NIPAL3: variants seen among roughly 807,000 people sequenced by gnomAD.
NIPAL3 encodes NIPA-like protein 3.
A neutral mutation model predicts 47.2 loss-of-function variants in NIPAL3; 41 were observed. The observed-to-expected ratio is 0.87, with a 90% confidence interval of 0.68 to 1.13. NIPAL3 has a LOEUF of 1.13. Among genes scored for constraint, NIPAL3 ranks in the 50% most tolerant of loss-of-function variants. The probability of loss-of-function intolerance (pLI) is 0.00; values close to 1 mark genes in which losing one functional copy is unlikely to be tolerated. For missense variants in NIPAL3, 449 were observed against 530.1 expected, an observed-to-expected ratio of 0.85 and a Z score of 1.50; for synonymous variants, 194 against 209.6, an observed-to-expected ratio of 0.93 and a Z score of 0.64.
chr1:24,445,080 G>T (rs949425355), intron 4 of NIPAL3, 105 bp from the exon 5 acceptor site: 1 of 710,164 alleles, frequency 1.4e-6, no homozygotes, highest in Non-Finnish European at 2.5e-6. Flanking sequence ...AGGTTAGGAA[G>T]TACCAAGCTC....
chr1:24,427,388 A>G (rs1190878391), intron 2 of NIPAL3, among the ~76,000 whole-genome samples: 1 of 152,178 alleles, frequency 6.6e-6, no homozygotes, highest in East Asian at 1.9e-4. Context: ...TTGGGGGCAT[A>G]ATTAATGTTG....
rs114081180 is a variant in NIPAL3 at position 24,462,469 on chromosome 1, A to C, written c.927-1557A>C. Among the ~76,000 whole-genome samples, 631 of 152,350 alleles carry C rather than the reference A, an allele frequency of 4.1e-3. 3 individuals carry two copies. Among genetic ancestry groups the C allele is most frequent in the African/African-American group, 0.015 (610 of 41,582 alleles). On this transcript the variant is annotated intron_variant, in intron 10 of 11. Transcript: ENST00000374399. ...AGACAATGGGTTCTACGCAACAATTAAAATAATGAGCTATAAGCCAGGTAC... is the reference window on the plus strand; with the variant it reads ...AGACAATGGGTTCTACGCAACAATTCAAATAATGAGCTATAAGCCAGGTAC...
chr1:24,419,371 TGAG>T lies in NIPAL3; in HGVS notation c.-173_-171del, dbSNP rs1644207509. ...AAATTGGCACTTCTCTGAGTGAAGC[TGAG>T]GAGAAGGCTGTAAATCTGCCAAAAC... On this transcript the variant is annotated 5_prime_UTR_variant, in exon 2 of 12. Coordinates refer to ENST00000374399, the MANE Select transcript of NIPAL3 (RefSeq NM_020448.5). 4 of 1,315,358 alleles carry T rather than the reference TGAG, an allele frequency of 3.0e-6. No homozygotes were observed. Among genetic ancestry groups the T allele is most frequent in the Non-Finnish European group, 3.9e-6 (4 of 1,034,722 alleles). 81.5% of individuals were successfully genotyped at this position (1,315,358 alleles called of 1,614,324 possible). A position where few individuals can be genotyped will look rare whatever the true frequency, so the allele number is the denominator to read the frequency against.
At chr1:24,427,730 G>A (rs1644661167) in intron 2 of NIPAL3, among the ~76,000 whole-genome samples, 1 of 152,116 alleles carries the variant, frequency 6.6e-6, no homozygotes, top group Middle Eastern at 3.2e-3. Context: ...GGCCCTAAGA[G>A]AAGGGTGCAC....
At chr1:24,465,988 C>G (rs1049744773) in intron 11 of NIPAL3, 2 of 1,606,698 alleles carry the variant, frequency 1.2e-6, no homozygotes, top group African/African-American at 2.7e-5. Flanking sequence ...TAGGATCTTG[C>G]CTTTTGTCTA....
chr1:24,435,573 G>A (rs1030504080), intron 2 of NIPAL3, among the ~76,000 whole-genome samples: 8 of 152,180 alleles, frequency 5.3e-5, no homozygotes, highest in Admixed American at 2.0e-4. Flanking sequence ...ATGAAATGTC[G>A]CACCTATATA....
intron 2 of NIPAL3, among the ~76,000 whole-genome samples, chr1:24,422,723 G>A (rs1458042424): frequency 1.3e-5 from 2 of 152,152 alleles, no homozygotes; most frequent in Admixed American, 6.5e-5. Context: ...AGGCCACCAC[G>A]TCTTAGCAGC....
In NIPAL3 at chr1:24,470,471, G is replaced by A. The variant is rs1409775123; in HGVS notation, c.*1286G>A. The A allele has an allele frequency of 2.6e-5, 4 of 152,152 alleles. No homozygotes were observed. Among genetic ancestry groups the A allele is most frequent in the Non-Finnish European group, 5.9e-5 (4 of 68,026 alleles). 9.4% of individuals were successfully genotyped at this position (152,152 alleles called of 1,614,324 possible). On this transcript the variant is annotated 3_prime_UTR_variant, in exon 12 of 12. Coordinates refer to ENST00000374399, the MANE Select transcript of NIPAL3 (RefSeq NM_020448.5). ...GATTCTGATGCGATGCTTCAATCCC[G>A]AGATTTCACATCTGGAAAGCCTAAG...
rs1172759840 is a variant in NIPAL3, at chr1:24,471,178, A to G, written c.*1993A>G. Reference sequence around the variant, plus strand: ...ATAAAGCATATAAAATAGGGTGATCACCCCCGAGGCAGAGGGGCCAGCATT... The same window carrying G: ...ATAAAGCATATAAAATAGGGTGATCGCCCCCGAGGCAGAGGGGCCAGCATT... On this transcript the variant is annotated 3_prime_UTR_variant, in exon 12 of 12. Transcript: ENST00000374399. The G allele has an allele frequency of 6.6e-6, 1 of 152,158 alleles. No homozygotes were observed. Among genetic ancestry groups the G allele is most frequent in the Non-Finnish European group, 1.5e-5 (1 of 68,054 alleles). The allele number at this position is 152,158 out of a possible 1,614,324, so 9.4% of individuals were successfully genotyped here.
In NIPAL3 at chr1:24,469,247, C is replaced by T. The variant is rs374873194; in HGVS notation, c.*62C>T. 1.1e-5 allele frequency: 16 copies of T among 1,397,036 alleles called. No homozygotes were observed. The African/African-American group carries it at 1.9e-4, about 16-fold the overall frequency. The allele number at this position is 1,397,036 out of a possible 1,614,324, so 86.5% of individuals were successfully genotyped here. A position where few individuals can be genotyped will look rare whatever the true frequency, so the allele number is the denominator to read the frequency against. On this transcript the variant is annotated 3_prime_UTR_variant, in exon 12 of 12. Transcript: ENST00000374399. Reference sequence around the variant, plus strand: ...GCTGACAGTGGTTCAACCCTGAATCCTAAAACTTGCCTTTCAAGTCTCATT... The same window carrying T: ...GCTGACAGTGGTTCAACCCTGAATCTTAAAACTTGCCTTTCAAGTCTCATT...
At chr1:24,458,113 G>A (rs1461708422) in intron 8 of NIPAL3, among the ~76,000 whole-genome samples, 1 of 152,162 alleles carries the variant, frequency 6.6e-6, no homozygotes, top group Non-Finnish European at 1.5e-5. Context: ...GCCCTGGCTG[G>A]GGGACAGCCA....
chr1:24,420,244 G>C (rs778524923), intron 2 of NIPAL3: 1 of 152,284 alleles, frequency 6.6e-6, no homozygotes, highest in Non-Finnish European at 1.5e-5. Context: ...GCTCATGGCT[G>C]TAATTCCAGC....
Position 24,449,294 on chromosome 1 carries a change from A to T in NIPAL3, c.395-187A>T, listed in dbSNP as rs1229307806. On this transcript the variant is annotated intron_variant, in intron 5 of 11. Coordinates refer to ENST00000374399, the MANE Select transcript of NIPAL3 (RefSeq NM_020448.5). The surrounding 1 kb of genome is among the most constrained non-coding windows in gnomAD (Gnocchi z 4.5). Reference sequence around the variant, plus strand: ...TCATTAAAGTTTTTTATTTTTTTACATTAATTGTTTTTTTAACAAAATTAA... The same window carrying T: ...TCATTAAAGTTTTTTATTTTTTTACTTTAATTGTTTTTTTAACAAAATTAA... Among the ~76,000 whole-genome samples, 2 of 152,190 alleles carry T rather than the reference A, an allele frequency of 1.3e-5. No homozygotes were observed. Among genetic ancestry groups the T allele is most frequent in the Non-Finnish European group, 2.9e-5 (2 of 68,034 alleles).
At chr1:24,444,536 C>T (rs1365451921) in intron 4 of NIPAL3, among the ~76,000 whole-genome samples, 1 of 152,110 alleles carries the variant, frequency 6.6e-6, no homozygotes, top group African/African-American at 2.4e-5. Context: ...GATCTAACAC[C>T]GTATTTCATA....
intron 8 of NIPAL3, chr1:24,457,707 T>C (rs195718): frequency 0.52 from 273,764 of 528,942 alleles, 72,174 homozygotes; most frequent in East Asian, 0.75. Context: ...ATGCCCTCAC[T>C]GCTCTGCTCT....
In NIPAL3 at chr1:24,440,287, C is replaced by G. The variant is rs753038557; in HGVS notation, c.162+47C>G. On this transcript the variant is annotated intron_variant, in intron 3 of 11. Transcript: ENST00000374399. The stretch of plus-strand genomic sequence containing the variant: ...TGTCTGGGGACAGAGACACAGCAGA[C>G]AAGTCAGGGTGTCTTATCCAGGTCC... 9 of 1,454,702 alleles carry G rather than the reference C, an allele frequency of 6.2e-6. No homozygotes were observed. The East Asian group carries it at 1.5e-4, about 24-fold the overall frequency. 90.1% of individuals were successfully genotyped at this position (1,454,702 alleles called of 1,614,324 possible). A position where few individuals can be genotyped will look rare whatever the true frequency, so the allele number is the denominator to read the frequency against.
chr1:24,456,262 C>CT lies in NIPAL3; in HGVS notation c.763dup (p.Tyr255LeufsTer69). On this transcript the variant is annotated frameshift_variant, in exon 8 of 12. Coordinates refer to ENST00000374399, the MANE Select transcript of NIPAL3 (RefSeq NM_020448.5). LOFTEE classifies it high-confidence loss of function. ...TCGTGTGCATGGTGGCAACCGCCGT[C>CT]TATCAGGCTGCGTGAGTTACAAATC... The CT allele has an allele frequency of 6.2e-7, 1 of 1,614,244 alleles. No individual in the cohort carries two copies. Among genetic ancestry groups the CT allele is most frequent in the Non-Finnish European group, 8.5e-7 (1 of 1,180,044 alleles).
In NIPAL3 at chr1:24,419,468, G is replaced by C; in HGVS notation, c.-80G>C. The C allele has an allele frequency of 1.4e-6, 2 of 1,453,156 alleles. No homozygotes were observed. Among genetic ancestry groups the C allele is most frequent in the Non-Finnish European group, 1.8e-6 (2 of 1,099,282 alleles). The allele number at this position is 1,453,156 out of a possible 1,614,324, so 90.0% of individuals were successfully genotyped here. On this transcript the variant is annotated 5_prime_UTR_variant, in exon 2 of 12. Coordinates refer to ENST00000374399, the MANE Select transcript of NIPAL3 (RefSeq NM_020448.5). ...GAGGGAGGTGAACACCACAAGGAGA[G>C]ATGGCATCTGGCCTGGGCCCCGCCT...
In NIPAL3 at chr1:24,431,803, AC is replaced by A. The variant is rs140645563; in HGVS notation, c.94-8364del. 5.8e-3 allele frequency among the ~76,000 whole-genome samples: 866 copies of A among 150,586 alleles called. 5 individuals carry two copies. The highest frequency in any genetic ancestry group is 0.019 in the African/African-American group (788 of 40,872). On this transcript the variant is annotated intron_variant, in intron 2 of 11. Transcript: ENST00000374399. Reference sequence around the variant, plus strand: ...TCCTCAAAAGTACTTGCTGGTTCCCACCCCCGGAGCTTCCTATGCGTTGTGG... The same window carrying A: ...TCCTCAAAAGTACTTGCTGGTTCCCACCCCGGAGCTTCCTATGCGTTGTGG...
Sources: allele counts gnomAD v4.1 joint callset (sites outside exome capture counted in the v4.1 genomes callset), GRCh38; gene constraint gnomAD v4.1.1; non-coding constraint Gnocchi (gnomAD v3.1); transcripts MANE v1.5; gene names NCBI Gene and HGNC (gene_info 2026-07-23, HGNC 2026-07-21).